RAB23: variants seen among roughly 807,000 people sequenced by gnomAD.
RAB23 encodes ras-related protein Rab-23.
Under a neutral mutation model 30.0 loss-of-function variants are expected in RAB23, and 15 were observed. That is an observed-to-expected ratio of 0.50 (90% CI 0.33 to 0.77). The LOEUF is 0.77. RAB23 is among the 30% of genes least tolerant of loss of function. The pLI is 0.02. For missense variants in RAB23, 243 were observed against 275.4 expected (o/e 0.88, Z 0.83); for synonymous variants, 93 against 94.0 (o/e 0.99, Z 0.06).
chr6:57,211,593 A>G (rs550026049), intron 1 of RAB23, among the ~76,000 whole-genome samples: 2 of 152,352 alleles, frequency 1.3e-5, no homozygotes, highest in South Asian at 4.1e-4. Flanking sequence ...AAAGCACCCC[A>G]AAGAAGGTTT....
At chr6:57,216,799 G>A (rs1765854818) in intron 1 of RAB23, among the ~76,000 whole-genome samples, 1 of 152,074 alleles carries the variant, frequency 6.6e-6, no homozygotes, top group African/African-American at 2.4e-5. Context: ...GTTCCTCCCT[G>A]TTTCAGATGA....
intron 1 of RAB23, among the ~76,000 whole-genome samples, chr6:57,210,864 T>C (rs138080813): frequency 2.7e-4 from 41 of 152,354 alleles, no homozygotes; most frequent in African/African-American, 8.4e-4. Context: ...GCACTTAGCA[T>C]AGTGAAAGTT....
chr6:57,212,461 T>G (rs1765691468), intron 1 of RAB23, among the ~76,000 whole-genome samples: 1 of 152,174 alleles, frequency 6.6e-6, no homozygotes, highest in Non-Finnish European at 1.5e-5. Flanking sequence ...ATCTTGATAC[T>G]TACTTCCTGG....
intron 4 of RAB23, among the ~76,000 whole-genome samples, chr6:57,195,777 T>A (rs1200812539): frequency 6.6e-6 from 1 of 152,190 alleles, no homozygotes; most frequent in African/African-American, 2.4e-5. Flanking sequence ...AACTGCAGCT[T>A]CATGAAAAAC....
Position 57,187,444 on chromosome 6 carries a change from T to TAACA in RAB23, c.*3013_*3016dup, listed in dbSNP as rs963867414. On this transcript the variant is annotated 3_prime_UTR_variant, in exon 7 of 7. Coordinates refer to ENST00000468148, the MANE Select transcript of RAB23 (RefSeq NM_016277.5). ...GTGACAATAGTACATGTGACATTCT[T>TAACA]AACAGTTAAAAACTGAGTAAGTCCT... The TAACA allele has an allele frequency of 6.6e-6, 1 of 152,188 alleles. No individual in the cohort carries two copies. The highest frequency in any genetic ancestry group is 2.4e-5 in the African/African-American group (1 of 41,454). 9.4% of individuals were successfully genotyped at this position (152,188 alleles called of 1,614,324 possible). A position where few individuals can be genotyped will look rare whatever the true frequency, so the allele number is the denominator to read the frequency against.
chr6:57,220,093 T>C (rs979541756), intron 1 of RAB23, among the ~76,000 whole-genome samples: 3 of 152,192 alleles, frequency 2.0e-5, no homozygotes, highest in African/African-American at 7.2e-5. Flanking sequence ...AATTTAAAAA[T>C]GGGCAAGAGA....
intron 6 of RAB23, among the ~76,000 whole-genome samples, chr6:57,192,385 C>T (rs1547226): frequency 0.13 from 19,837 of 152,174 alleles, 1,656 homozygotes; most frequent in Middle Eastern, 0.21. Context: ...GACCAGTTCT[C>T]GCCCACAAGA....
intron 3 of RAB23, among the ~76,000 whole-genome samples, chr6:57,203,273 T>G (rs1765337365): frequency 6.6e-6 from 1 of 152,218 alleles, no homozygotes; most frequent in Non-Finnish European, 1.5e-5. Context: ...CCCAAAGTGC[T>G]GGGATTACAG....
intron 3 of RAB23, among the ~76,000 whole-genome samples, chr6:57,200,884 G>A (rs1167886505): frequency 6.6e-6 from 1 of 152,150 alleles, no homozygotes; most frequent in Non-Finnish European, 1.5e-5. Context: ...GAATTTCATA[G>A]GGGCAGAGAT....
intron 3 of RAB23, among the ~76,000 whole-genome samples, chr6:57,202,194 G>A (rs946139617): frequency 6.6e-6 from 1 of 152,004 alleles, no homozygotes; most frequent in South Asian, 2.1e-4. Flanking sequence ...ATTCTTTCTA[G>A]CCCTTACCTT....
At chr6:57,207,298 T>A (rs952982447) in intron 3 of RAB23, among the ~76,000 whole-genome samples, 1 of 152,206 alleles carries the variant, frequency 6.6e-6, no homozygotes, top group Non-Finnish European at 1.5e-5. Context: ...GCTTTACTTT[T>A]TCGTATGTTA....
chr6:57,218,989 G>A (rs1765952642), intron 1 of RAB23, among the ~76,000 whole-genome samples: 2 of 152,176 alleles, frequency 1.3e-5, no homozygotes, highest in South Asian at 4.2e-4. Flanking sequence ...TGAAGTTCTA[G>A]TCATTGTAAT....
intron 6 of RAB23, 30 bp from the exon 7 acceptor site, chr6:57,190,630 C>T (rs1284149371): frequency 1.2e-5 from 20 of 1,612,234 alleles, no homozygotes; most frequent in Non-Finnish European, 1.4e-5. Flanking sequence ...AGAGTGATTG[C>T]CACTGACACG....
chr6:57,193,884 C>A lies in RAB23; in HGVS notation c.532G>T (p.Ala178Ser), dbSNP rs368714640. ...KYLQKLKQQI[A>S]EDPELTHSSS... is the part of the protein sequence containing the mutation. Reference sequence around the variant, plus strand: ...GAATGCGTTAGTTCTGGATCCTCAGCTATTTGTTGTTTGAGTTTCTGAAGG... The same window carrying A: ...GAATGCGTTAGTTCTGGATCCTCAGATATTTGTTGTTTGAGTTTCTGAAGG... Residue 178 changes from alanine to serine, a missense_variant, in exon 6 of 7, where the codon GCT (alanine) becomes TCT (serine). Ala to Ser is a moderately conservative substitution (Grantham distance 99). Coordinates refer to ENST00000468148, the MANE Select transcript of RAB23 (RefSeq NM_016277.5). The A allele has an allele frequency of 7.4e-6, 12 of 1,612,830 alleles. No homozygotes were observed. The highest frequency in any genetic ancestry group is 1.0e-5 in the Non-Finnish European group (12 of 1,179,344).
chr6:57,199,457 G>C (rs975490469), intron 3 of RAB23, among the ~76,000 whole-genome samples: 1 of 152,228 alleles, frequency 6.6e-6, no homozygotes, highest in Admixed American at 6.5e-5. Context: ...CCCCACCCAT[G>C]TGGCGCAGTG....
chr6:57,187,008 C>T lies in RAB23; in HGVS notation c.*3453G>A, dbSNP rs1296118823. 6.6e-6 allele frequency: 1 copy of T among 152,120 alleles called. No homozygotes were observed. The highest frequency in any genetic ancestry group is 1.5e-5 in the Non-Finnish European group (1 of 68,002). 9.4% of individuals were successfully genotyped at this position (152,120 alleles called of 1,614,324 possible). On this transcript the variant is annotated 3_prime_UTR_variant, in exon 7 of 7. Coordinates refer to ENST00000468148, the MANE Select transcript of RAB23 (RefSeq NM_016277.5). The stretch of plus-strand genomic sequence containing the variant: ...CACACAAAATTTTAGCTTTGAAATG[C>T]ATTTATTTTCTGATTATTGGAATTC...
intron 4 of RAB23, among the ~76,000 whole-genome samples, chr6:57,195,205 A>G (rs1764977764): frequency 6.6e-6 from 1 of 152,202 alleles, no homozygotes; most frequent in Non-Finnish European, 1.5e-5. Context: ...TCTTTGTATA[A>G]TATTTTAATT....
chr6:57,211,039 C>G (rs1322300489), intron 1 of RAB23, among the ~76,000 whole-genome samples: 1 of 152,144 alleles, frequency 6.6e-6, no homozygotes, highest in Non-Finnish European at 1.5e-5. Context: ...GTTTCATGCA[C>G]AAAAATACTA....
At chr6:57,206,064 G>C (rs781260327) in intron 3 of RAB23, among the ~76,000 whole-genome samples, 1 of 152,226 alleles carries the variant, frequency 6.6e-6, no homozygotes, top group Middle Eastern at 3.2e-3. Flanking sequence ...AGTTCAGTCT[G>C]AATGGTTGTC....
Sources: gnomAD v4.1 joint callset for allele counts (sites outside exome capture counted in the v4.1 genomes callset) on GRCh38, gnomAD v4.1.1 for gene constraint, MANE v1.5 for transcripts, NCBI Gene and HGNC (gene_info 2026-07-23, HGNC 2026-07-21) for gene names.